STK33: variants seen among roughly 807,000 people sequenced by gnomAD.
STK33 encodes the protein serine/threonine kinase 33, also known as serine/threonine-protein kinase 33.
STK33 carries 52 observed loss-of-function variants against 58.0 expected under a neutral mutation model. That is an observed-to-expected ratio of 0.90 (90% CI 0.72 to 1.13). The LOEUF (loss-of-function observed/expected upper bound fraction) is 1.13. STK33 is among the 50% of genes most tolerant of loss of function. The probability of loss-of-function intolerance (pLI) is 0.00; values close to 1 mark genes in which losing one functional copy is unlikely to be tolerated. For missense variants in STK33, 630 were observed against 604.2 expected, an observed-to-expected ratio of 1.04 and a Z score of -0.45; for synonymous variants, 215 against 200.1, an observed-to-expected ratio of 1.07 and a Z score of -0.63.
intron 1 of STK33, among the ~76,000 whole-genome samples, chr11:8,586,561 C>T (rs539602160): frequency 2.0e-5 from 3 of 152,254 alleles, no homozygotes; most frequent in Admixed American, 1.3e-4. Context: ...CAGTGGCTCA[C>T]ACCTGTAATC....
At chr11:8,356,480 G>GA in the STK33 span, among the ~76,000 whole-genome samples, 1 of 151,654 alleles carries the variant, frequency 6.6e-6, no homozygotes, top group Non-Finnish European at 1.5e-5. Flanking sequence ...CAGTGGTGAG[G>GA]TTTTCGTGGG....
chr11:8,524,038 A>C (rs1306409393), intron 1 of STK33, among the ~76,000 whole-genome samples: 1 of 152,204 alleles, frequency 6.6e-6, no homozygotes, highest in Non-Finnish European at 1.5e-5. Flanking sequence ...GCTCTCTGAA[A>C]CATGTGCTGT....
intron 1 of STK33, among the ~76,000 whole-genome samples, chr11:8,488,924 G>C (rs375337948): frequency 6.6e-6 from 1 of 152,140 alleles, no homozygotes; most frequent in African/African-American, 2.4e-5. Flanking sequence ...TAAATGAACC[G>C]TTTTAAATAT....
intron 1 of STK33, among the ~76,000 whole-genome samples, chr11:8,520,757 G>T (rs947942675): frequency 6.6e-6 from 1 of 151,946 alleles, no homozygotes; most frequent in Non-Finnish European, 1.5e-5. Context: ...GCTTCAAAGA[G>T]AATAAAAAAC....
At chr11:8,539,910 A>AAAG (rs1311113590) in intron 1 of STK33, among the ~76,000 whole-genome samples, 2 of 152,192 alleles carry the variant, frequency 1.3e-5, no homozygotes, top group Admixed American at 1.3e-4. Flanking sequence ...AAACTGAAAG[A>AAAG]AAGATTATAT....
At chr11:8,341,510 G>T in the STK33 span, among the ~76,000 whole-genome samples, 5 of 152,192 alleles carry the variant, frequency 3.3e-5, no homozygotes, top group Non-Finnish European at 7.3e-5. Flanking sequence ...AATGACTGTG[G>T]CTTCTTTGCT....
intron 1 of STK33, among the ~76,000 whole-genome samples, chr11:8,483,985 G>T (rs1290046415): frequency 1.3e-5 from 2 of 152,074 alleles, no homozygotes; most frequent in Non-Finnish European, 2.9e-5. Flanking sequence ...TCTACCATTT[G>T]AGAGTCTAAA....
At chr11:8,589,350 C>T (rs921888357) in intron 1 of STK33, among the ~76,000 whole-genome samples, 3 of 152,276 alleles carry the variant, frequency 2.0e-5, no homozygotes, top group Non-Finnish European at 2.9e-5. Flanking sequence ...AGTACTGATA[C>T]ATACTACAAC....
intron 11 of STK33, among the ~76,000 whole-genome samples, chr11:8,447,521 A>G (rs1266461217): frequency 6.6e-6 from 1 of 152,212 alleles, no homozygotes; most frequent in African/African-American, 2.4e-5. Context: ...TATAAACAGA[A>G]CCAACGACAA....
the STK33 span, among the ~76,000 whole-genome samples, chr11:8,365,623 C>CCCTCCA: frequency 6.6e-6 from 1 of 152,266 alleles, no homozygotes; most frequent in Non-Finnish European, 1.5e-5. Flanking sequence ...CCGTTACCAC[C>CCCTCCA]CCTCCACCTC....
At chr11:8,447,948 A>G (rs1211033253) in intron 11 of STK33, among the ~76,000 whole-genome samples, 1 of 152,248 alleles carries the variant, frequency 6.6e-6, no homozygotes, top group African/African-American at 2.4e-5. Flanking sequence ...GTCTCAGGAT[A>G]CAAAATCAAT....
the STK33 span, among the ~76,000 whole-genome samples, chr11:8,371,183 T>C: frequency 6.6e-6 from 1 of 152,104 alleles, no homozygotes; most frequent in Non-Finnish European, 1.5e-5. Flanking sequence ...AAACGCTCTT[T>C]GCAAGGTGAA....
chr11:8,361,512 C>T, the STK33 span, among the ~76,000 whole-genome samples: 512 of 152,056 alleles, frequency 3.4e-3, 2 homozygotes, highest in African/African-American at 0.011. The surrounding 1 kb of genome is among the most constrained non-coding windows in gnomAD (Gnocchi z 4.8). Context: ...CCCTCTCCAC[C>T]GCCCCCACCA....
chr11:8,464,841 A>AT lies in STK33; in HGVS notation c.340-20_340-19insA. The stretch of plus-strand genomic sequence containing the variant: ...AGATTTCCTGGAGAAAAAAAAAAAA[A>AT]GAGTTGTCTCTCTATGCCATTCATC... On this transcript the variant is annotated intron_variant, in intron 6 of 15. Coordinates refer to ENST00000687296, the MANE Select transcript of STK33 (RefSeq NM_001352389.2). The AT allele has an allele frequency of 1.4e-6, 2 of 1,480,826 alleles. No homozygotes were observed. The highest frequency in any genetic ancestry group is 9.4e-7 in the Non-Finnish European group (1 of 1,065,188). 91.7% of individuals were successfully genotyped at this position (1,480,826 alleles called of 1,614,324 possible). A position where few individuals can be genotyped will look rare whatever the true frequency, so the allele number is the denominator to read the frequency against.
chr11:8,384,075 A>C, the STK33 span, among the ~76,000 whole-genome samples: 1 of 152,176 alleles, frequency 6.6e-6, no homozygotes, highest in African/African-American at 2.4e-5. Context: ...CCGAGGCAAG[A>C]GAGTGAAGGC....
At chr11:8,531,098 T>C (rs939409576) in intron 1 of STK33, among the ~76,000 whole-genome samples, 2 of 151,956 alleles carry the variant, frequency 1.3e-5, no homozygotes, top group Admixed American at 6.6e-5. Context: ...AAGAAAAAAA[T>C]GAATAAAGGT....
intron 1 of STK33, among the ~76,000 whole-genome samples, chr11:8,501,679 T>C (rs889658970): frequency 1.3e-5 from 2 of 152,158 alleles, no homozygotes; most frequent in African/African-American, 4.8e-5. Flanking sequence ...ATCCAGCAAT[T>C]CTACTCTTAG....
At chr11:8,546,951 T>C (rs946074143) in intron 1 of STK33, among the ~76,000 whole-genome samples, 4 of 152,110 alleles carry the variant, frequency 2.6e-5, no homozygotes, top group Non-Finnish European at 4.4e-5. Context: ...GATTGCTGGA[T>C]CATACGGTAG....
chr11:8,347,158 A>G, the STK33 span, among the ~76,000 whole-genome samples: 1,063 of 152,238 alleles, frequency 7.0e-3, 13 homozygotes, highest in African/African-American at 0.024. Flanking sequence ...CCCTTTCGAT[A>G]TATCTTCATT....
Sources: allele counts gnomAD v4.1 joint callset (sites outside exome capture counted in the v4.1 genomes callset), GRCh38; gene constraint gnomAD v4.1.1; non-coding constraint Gnocchi (gnomAD v3.1); transcripts MANE v1.5; gene names NCBI Gene and HGNC (gene_info 2026-07-23, HGNC 2026-07-21).